The following TCP11L2 variants were observed in gnomAD, a reference collection of about 807,000 sequenced individuals.
The protein encoded by TCP11L2 is T-complex protein 11-like protein 2.
TCP11L2 carries 39 observed loss-of-function variants against 50.7 expected under a neutral mutation model. The observed-to-expected ratio is 0.77, with a 90% CI of 0.60 to 1.01. The LOEUF (loss-of-function observed/expected upper bound fraction) is 1.01, where lower values mean the gene tolerates loss of function less well. Among genes scored for constraint, TCP11L2 ranks in the 50% least tolerant of loss-of-function variants. The pLI, the probability that TCP11L2 is intolerant of heterozygous loss-of-function variation, is 0.00. For missense variants in TCP11L2, 612 were observed against 614.7 expected, an observed-to-expected ratio of 1.00 and a Z score of 0.05; for synonymous variants, 192 against 219.3, an observed-to-expected ratio of 0.88 and a Z score of 1.10.
At position 106,346,693 on chromosome 12, in the gene TCP11L2, C is replaced by A; in HGVS notation, c.*163C>A. 1 of 759,038 alleles carries A rather than the reference C, an allele frequency of 1.3e-6. No individual in the cohort carries two copies. Among genetic ancestry groups the A allele is most frequent in the Non-Finnish European group, 2.0e-6 (1 of 502,860 alleles). The allele number at this position is 759,038 out of a possible 1,614,324, so 47.0% of individuals were successfully genotyped here. On this transcript the variant is annotated 3_prime_UTR_variant, in exon 10 of 10. Coordinates refer to ENST00000299045, the MANE Select transcript of TCP11L2 (RefSeq NM_152772.3). ...TTAGCATTACAGAAGACACACACAT[C>A]ACATAGACCCTCAGAAGACGTAAAC...
At chr12:106,318,600 C>A in intron 4 of TCP11L2, 136 bp downstream of exon 4, 1 of 1,057,156 alleles carries the variant, frequency 9.5e-7, no homozygotes, top group Non-Finnish European at 1.3e-6. Context: ...AGTCCAAAAT[C>A]AAAGCACCAC....
At chr12:106,335,071 T>C (rs544047289) in intron 6 of TCP11L2, among the ~76,000 whole-genome samples, 1 of 152,306 alleles carries the variant, frequency 6.6e-6, no homozygotes, top group African/African-American at 2.4e-5. Flanking sequence ...CACGTGATTG[T>C]GCACATTCAC....
At chr12:106,319,097 G>C (rs2035231504) in intron 4 of TCP11L2, among the ~76,000 whole-genome samples, 1 of 151,900 alleles carries the variant, frequency 6.6e-6, no homozygotes, top group South Asian at 2.1e-4. Context: ...ATTTTTAGTA[G>C]AGACGGGGTT....
At chr12:106,329,902 T>C (rs1394443678) in intron 6 of TCP11L2, 3 of 985,332 alleles carry the variant, frequency 3.0e-6, no homozygotes, top group Non-Finnish European at 3.6e-6. Context: ...GAAACAAGAG[T>C]TGTGAAATTC....
At position 106,311,043 on chromosome 12, in the gene TCP11L2, GCTAC is replaced by G; in HGVS notation, c.-30_-27del. 1 of 1,610,556 alleles carries G rather than the reference GCTAC, an allele frequency of 6.2e-7. No homozygotes were observed. Among genetic ancestry groups the G allele is most frequent in the Non-Finnish European group, 8.5e-7 (1 of 1,178,022 alleles). On this transcript the variant is annotated 5_prime_UTR_variant, in exon 2 of 10. Transcript: ENST00000299045. The stretch of plus-strand genomic sequence containing the variant: ...GCAGGGTCTGTTTGTCTGTGCAGGT[GCTAC>G]CTTTTTACCCACACTTAAGTGACGC...
At chr12:106,310,055 G>A (rs2034792586) in intron 1 of TCP11L2, among the ~76,000 whole-genome samples, 1 of 152,126 alleles carries the variant, frequency 6.6e-6, no homozygotes, top group South Asian at 2.1e-4. Context: ...TTCACATCAA[G>A]GTCAGCTCCC....
In TCP11L2 at chr12:106,323,517, T is replaced by C. The variant is rs778790808; in HGVS notation, c.643T>C (p.Phe215Leu). 12 of 1,592,534 alleles carry C rather than the reference T, an allele frequency of 7.5e-6. No homozygotes were observed. The Admixed American group carries it at 1.6e-4, about 21-fold the overall frequency. The change falls in exon 6 of 10, where the codon TTC becomes CTC. Residue 215 changes from phenylalanine (F) to leucine (L), a missense_variant. Phe to Leu is a conservative substitution (Grantham distance 22, BLOSUM62 0). Transcript: ENST00000299045. Reference protein sequence around the residue: ...GNIVEVLRQIFHVLDLMQMDM... With the variant: ...GNIVEVLRQILHVLDLMQMDM... ...TAATTCTAAAATTTTTAGACAAATATTCCATGTCCTGGACCTCATGCAAAT... is the reference window on the plus strand; with the variant it reads ...TAATTCTAAAATTTTTAGACAAATACTCCATGTCCTGGACCTCATGCAAAT...
At chr12:106,320,918 A>G (rs894222410) in intron 4 of TCP11L2, among the ~76,000 whole-genome samples, 4 of 152,190 alleles carry the variant, frequency 2.6e-5, no homozygotes, top group African/African-American at 4.8e-5. Context: ...ACCTACCACC[A>G]TGGCAGCTGT....
chr12:106,329,350 G>A, intron 6 of TCP11L2: 1 of 1,536,104 alleles, frequency 6.5e-7, no homozygotes. Context: ...GGTTGCAGGT[G>A]CCTCATGAGG....
chr12:106,336,609 G>C (rs2035929813), intron 8 of TCP11L2, among the ~76,000 whole-genome samples: 1 of 143,584 alleles, frequency 7.0e-6, no homozygotes, highest in Admixed American at 7.2e-5. Flanking sequence ...CTGGAGTGCA[G>C]TGGCGCAATC....
intron 9 of TCP11L2, among the ~76,000 whole-genome samples, chr12:106,343,391 G>C (rs890593338): frequency 2.0e-5 from 3 of 152,160 alleles, no homozygotes; most frequent in African/African-American, 7.2e-5. Context: ...AGAGGAGTTA[G>C]AATAAATTAA....
rs765423965 is a variant in TCP11L2, at chr12:106,321,671, G to A, written c.600G>A (p.Glu200=). 10 of 1,614,208 alleles carry A rather than the reference G, an allele frequency of 6.2e-6. No individual in the cohort carries two copies. In the Admixed American group the frequency reaches 1.5e-4, roughly 24 times the overall value. ...CCGTGCGAGATAATGATATCAGAGA[G>A]TTAAAGGCTACTGGCAACATCGTGG... ...CAPVRDNDIR[E]LKATGNIVEV... Residue 200 remains glutamate, a synonymous_variant, in exon 5 of 10, where the codon GAG becomes GAA. Transcript: ENST00000299045.
At position 106,321,652 on chromosome 12, in the gene TCP11L2, G is replaced by A. The variant is rs774335516; in HGVS notation, c.581G>A (p.Arg194Gln). 2.5e-6 allele frequency: 4 copies of A among 1,614,150 alleles called. No homozygotes were observed. Among genetic ancestry groups the A allele is most frequent in the Non-Finnish European group, 3.4e-6 (4 of 1,180,044 alleles). The part of the protein sequence containing the change: ...STMGKLCAPV[R>Q]DNDIRELKAT... ...ATGGGAAAGCTGTGTGCTCCCGTGC[G>A]AGATAATGATATCAGAGAGTTAAAG... Residue 194 changes from arginine (R) to glutamine (Q), a missense_variant, in exon 5 of 10, where the codon CGA (arginine) becomes CAA (glutamine). Arg to Gln is a conservative substitution (Grantham distance 43). Transcript: ENST00000299045.
intron 1 of TCP11L2, among the ~76,000 whole-genome samples, chr12:106,307,671 A>G (rs575075974): frequency 1.4e-4 from 22 of 152,314 alleles, no homozygotes; most frequent in Non-Finnish European, 2.9e-4. Context: ...GTGATGGGCC[A>G]TTCGCTTTTG....
At chr12:106,303,779 A>C (rs2034517917) in intron 1 of TCP11L2, 1 of 152,230 alleles carries the variant, frequency 6.6e-6, no homozygotes, top group Admixed American at 6.5e-5. Flanking sequence ...AAATATATTT[A>C]AATGCAAAAA....
At position 106,323,614 on chromosome 12, in the gene TCP11L2, C is replaced by A. The variant is rs745728340; in HGVS notation, c.740C>A (p.Thr247Asn). 1.1e-5 allele frequency: 17 copies of A among 1,600,914 alleles called. No homozygotes were observed. Among genetic ancestry groups the A allele is most frequent in the African/African-American group, 2.7e-5 (2 of 74,338 alleles). ...CGCCAGTTGGTGGAATATGAGAGAA[C>A]CAAGTTCCAGGAAATTTTGGAAGAA... is the stretch of plus-strand genomic sequence containing the variant. ...LQRQLVEYER[T>N]KFQEILEETP... is the part of the protein sequence containing the mutation. Residue 247 changes from threonine (T) to asparagine (N), a missense_variant, in exon 6 of 10, where the codon ACC (threonine) becomes AAC (asparagine). Coordinates refer to ENST00000299045, the MANE Select transcript of TCP11L2 (RefSeq NM_152772.3).
At chr12:106,330,622 C>A (rs1190644150) in intron 6 of TCP11L2, among the ~76,000 whole-genome samples, 1 of 152,174 alleles carries the variant, frequency 6.6e-6, no homozygotes, top group African/African-American at 2.4e-5. Flanking sequence ...AAGGAACCAT[C>A]TTATGCTCCA....
chr12:106,326,213 C>A (rs999695796), intron 6 of TCP11L2, among the ~76,000 whole-genome samples: 3 of 152,096 alleles, frequency 2.0e-5, no homozygotes, highest in African/African-American at 7.2e-5. Flanking sequence ...ACAAAACAGG[C>A]GCCACATTTA....
At chr12:106,316,227 T>C (rs1190709891) in intron 3 of TCP11L2, among the ~76,000 whole-genome samples, 1 of 146,538 alleles carries the variant, frequency 6.8e-6, no homozygotes, top group East Asian at 2.1e-4. Context: ...TCTCCTTTCT[T>C]AGCCCCCAAC....
Sources: gnomAD v4.1 joint callset for allele counts (sites outside exome capture counted in the v4.1 genomes callset) on GRCh38, gnomAD v4.1.1 for gene constraint, MANE v1.5 for transcripts, NCBI Gene and HGNC (gene_info 2026-07-23, HGNC 2026-07-21) for gene names.